The following WWOX variants were observed in gnomAD, a reference collection of about 807,000 sequenced individuals.
WWOX encodes WW domain containing oxidoreductase.
In WWOX, 69 loss-of-function variants were observed where a neutral mutation model predicts 46.2. The ratio of observed to expected loss-of-function variants is 1.49; its 90% CI spans 1.23 to 1.82. The LOEUF (loss-of-function observed/expected upper bound fraction) is 1.82. Among genes scored for constraint, WWOX ranks in the 40% most tolerant of loss-of-function variants. WWOX has a pLI of 0.00. For missense variants in WWOX, 919 were observed against 542.6 expected (o/e 1.69, Z -6.89); for synonymous variants, 359 against 202.6 (o/e 1.77, Z -6.56).
At chr16:79,117,264 C>G (rs994992451) in intron 8 of WWOX, among the ~76,000 whole-genome samples, 1 of 152,058 alleles carries the variant, frequency 6.6e-6, no homozygotes, top group African/African-American at 2.4e-5. Flanking sequence ...CCAAATCAGC[C>G]TCCCACAGTG....
At chr16:78,971,118 C>T (rs1051103775) in intron 8 of WWOX, among the ~76,000 whole-genome samples, 2 of 151,740 alleles carry the variant, frequency 1.3e-5, no homozygotes, top group Non-Finnish European at 2.9e-5. Context: ...GATTCTAGTC[C>T]AGTGTGAGCC....
intron 8 of WWOX, among the ~76,000 whole-genome samples, chr16:78,851,240 A>G (rs556789010): frequency 1.3e-5 from 2 of 152,334 alleles, no homozygotes; most frequent in East Asian, 3.9e-4. Context: ...CCAAATTCAC[A>G]GAAACTGATG....
chr16:78,372,575 CTCCATGG>C (rs2081718663), intron 5 of WWOX, among the ~76,000 whole-genome samples: 1 of 152,182 alleles, frequency 6.6e-6, no homozygotes, highest in Non-Finnish European at 1.5e-5. Context: ...GTCCATTATC[CTCCATGG>C]TCCCATCTGA....
At chr16:78,608,580 G>C (rs935221113) in intron 8 of WWOX, among the ~76,000 whole-genome samples, 2 of 152,210 alleles carry the variant, frequency 1.3e-5, no homozygotes, top group Non-Finnish European at 2.9e-5. Context: ...AGTGAGGTAA[G>C]TTCGTCAGAC....
intron 5 of WWOX, among the ~76,000 whole-genome samples, chr16:78,334,030 C>T (rs996714155): frequency 4.6e-5 from 7 of 152,094 alleles, no homozygotes; most frequent in African/African-American, 1.7e-4. Flanking sequence ...GAATGTAAAT[C>T]CCCTCGTCCT....
intron 8 of WWOX, among the ~76,000 whole-genome samples, chr16:78,478,679 G>A (rs1044557586): frequency 3.3e-5 from 5 of 152,316 alleles, no homozygotes; most frequent in African/African-American, 1.2e-4. Flanking sequence ...CTGGCTGGCA[G>A]GAAAGAGTTT....
chr16:79,184,765 C>A (rs1309098472), intron 8 of WWOX, among the ~76,000 whole-genome samples: 3 of 152,198 alleles, frequency 2.0e-5, no homozygotes, highest in African/African-American at 7.2e-5. Flanking sequence ...GAAGAGGAGG[C>A]ACCAATGGCA....
chr16:79,026,410 C>T (rs2047642783), intron 8 of WWOX, among the ~76,000 whole-genome samples: 1 of 151,672 alleles, frequency 6.6e-6, no homozygotes, highest in African/African-American at 2.4e-5. Context: ...TGGCCACGGT[C>T]ACTTCCTTTG....
intron 5 of WWOX, among the ~76,000 whole-genome samples, chr16:78,282,112 G>A (rs1318144596): frequency 6.6e-6 from 1 of 152,112 alleles, no homozygotes; most frequent in Non-Finnish European, 1.5e-5. Context: ...CCCGGATGAT[G>A]CGGTTCTCTG....
chr16:78,515,984 C>T (rs116530408), intron 8 of WWOX, among the ~76,000 whole-genome samples: 252 of 152,158 alleles, frequency 1.7e-3, no homozygotes, highest in African/African-American at 5.8e-3. Context: ...TCCTTCCATC[C>T]CCCCTTGTCC....
At chr16:78,883,243 A>C (rs769986607) in intron 8 of WWOX, among the ~76,000 whole-genome samples, 18 of 152,318 alleles carry the variant, frequency 1.2e-4, no homozygotes, top group Non-Finnish European at 2.4e-4. Flanking sequence ...TGTGAACTTC[A>C]GCAAGCTCCT....
At chr16:78,135,388 T>G (rs1226872581) in intron 4 of WWOX, among the ~76,000 whole-genome samples, 1 of 152,168 alleles carries the variant, frequency 6.6e-6, no homozygotes, top group Admixed American at 6.5e-5. Flanking sequence ...TGAGTTTCCT[T>G]TTAGAAGCAT....
At chr16:78,403,469 G>A (rs534560900) in intron 6 of WWOX, among the ~76,000 whole-genome samples, 1 of 152,108 alleles carries the variant, frequency 6.6e-6, no homozygotes, top group South Asian at 2.1e-4. Flanking sequence ...CTTTAGTATT[G>A]CTTTATGCCT....
chr16:78,250,839 C>A (rs1251122588), intron 5 of WWOX, among the ~76,000 whole-genome samples: 1 of 152,186 alleles, frequency 6.6e-6, no homozygotes, highest in African/African-American at 2.4e-5. Flanking sequence ...TTATATCACA[C>A]CTTCACTTAA....
intron 8 of WWOX, among the ~76,000 whole-genome samples, chr16:78,915,604 A>C (rs563412749): frequency 6.6e-6 from 1 of 152,318 alleles, no homozygotes; most frequent in Non-Finnish European, 1.5e-5. Context: ...GGTTCCTATT[A>C]GCAAAATAAC....
At chr16:78,914,810 C>T (rs187432679) in intron 8 of WWOX, among the ~76,000 whole-genome samples, 24 of 140,460 alleles carry the variant, frequency 1.7e-4, no homozygotes, top group South Asian at 2.4e-4. Context: ...ACCCAGGAGG[C>T]GGAGCTTGCA....
chr16:79,179,726 A>G (rs553323646), intron 8 of WWOX, among the ~76,000 whole-genome samples: 1 of 152,284 alleles, frequency 6.6e-6, no homozygotes, highest in South Asian at 2.1e-4. Context: ...GGCTCAGTGA[A>G]TCCAGTAGAT....
intron 8 of WWOX, among the ~76,000 whole-genome samples, chr16:78,723,683 T>C (rs1010092940): frequency 6.6e-6 from 1 of 150,796 alleles, no homozygotes; most frequent in South Asian, 2.1e-4. Context: ...TCCTGTAATG[T>C]TGGAAAGCTT....
Position 78,652,124 on chromosome 16 carries a change from GT to G in WWOX, c.1056+219375del, listed in dbSNP as rs550929765. ...CAGGGCTCCTGGTCACTTAAAAGAT[GT>G]TTGGGGCTGGGCGTGGTGGCTCACA... On this transcript the variant is annotated intron_variant, in intron 8 of 8. Transcript: ENST00000566780. Among the ~76,000 whole-genome samples the G allele has an allele frequency of 2.6e-3, 399 of 152,048 alleles. 4 individuals are homozygous for G. The highest frequency in any genetic ancestry group is 9.0e-3 in the African/African-American group (375 of 41,462).
Sources: gnomAD v4.1 joint callset for allele counts (sites outside exome capture counted in the v4.1 genomes callset) on GRCh38, gnomAD v4.1.1 for gene constraint, MANE v1.5 for transcripts, NCBI Gene and HGNC (gene_info 2026-07-23, HGNC 2026-07-21) for gene names.